NSUN6: variants seen among roughly 807,000 people sequenced by gnomAD.
NSUN6 encodes the protein tRNA (cytosine(72)-C(5))-methyltransferase NSUN6.
Under a neutral mutation model 58.0 loss-of-function variants are expected in NSUN6, and 64 were observed. The ratio of observed to expected loss-of-function variants is 1.10; its 90% CI spans 0.90 to 1.36. NSUN6 has a LOEUF of 1.36. NSUN6 is among the 40% of genes most tolerant of loss of function. The probability of loss-of-function intolerance (pLI) is 0.00; values close to 1 mark genes in which losing one functional copy is unlikely to be tolerated. For missense variants in NSUN6, 701 were observed against 550.1 expected, an observed-to-expected ratio of 1.27 and a Z score of -2.74; for synonymous variants, 231 against 193.9, an observed-to-expected ratio of 1.19 and a Z score of -1.59.
chr10:18,629,315 G>C (rs1186615058), intron 3 of NSUN6, among the ~76,000 whole-genome samples: 1 of 152,102 alleles, frequency 6.6e-6, no homozygotes, highest in African/African-American at 2.4e-5. Flanking sequence ...AAAATGTAAA[G>C]ACCATCAAGA....
intron 3 of NSUN6, among the ~76,000 whole-genome samples, chr10:18,634,333 A>G (rs2059138389): frequency 2.0e-5 from 3 of 152,222 alleles, no homozygotes; most frequent in Admixed American, 1.3e-4. Flanking sequence ...ATACATCCCT[A>G]TGACTAGACA....
At chr10:18,652,783 C>T (rs1430834792), upstream of NSUN6, 4 of 538,390 alleles carry the variant, frequency 7.4e-6, no homozygotes, top group Non-Finnish European at 9.5e-6. Flanking sequence ...TGGTCTCAAA[C>T]TCCTGACTTC....
chr10:18,636,883 C>T (rs1377338013), intron 3 of NSUN6, among the ~76,000 whole-genome samples: 1 of 148,446 alleles, frequency 6.7e-6, no homozygotes, highest in Non-Finnish European at 1.5e-5. Flanking sequence ...ACCAAGATTC[C>T]ATCTCAAAAA....
intron 8 of NSUN6, among the ~76,000 whole-genome samples, chr10:18,553,072 A>G (rs958809103): frequency 2.7e-5 from 4 of 148,030 alleles, no homozygotes. Flanking sequence ...TCTCCATTCC[A>G]TTAAATTCCA....
At chr10:18,576,947 A>G (rs1421513264) in intron 8 of NSUN6, among the ~76,000 whole-genome samples, 3 of 152,218 alleles carry the variant, frequency 2.0e-5, no homozygotes, top group African/African-American at 7.2e-5. Context: ...TTCAACTCTC[A>G]TGTCTATTTA....
At chr10:18,616,382 C>CTAA (rs2058411139) in intron 3 of NSUN6, 89 bp from the exon 4 acceptor site, 2 of 755,610 alleles carry the variant, frequency 2.6e-6, no homozygotes, top group African/African-American at 3.5e-5. Context: ...TCTAATGCCT[C>CTAA]TTTAGTCTTA....
At chr10:18,546,367 T>C (rs1192777950) in intron 10 of NSUN6, among the ~76,000 whole-genome samples, 2 of 152,206 alleles carry the variant, frequency 1.3e-5, no homozygotes, top group African/African-American at 2.4e-5. Context: ...ATACCTATTA[T>C]TACATGCTTA....
At chr10:18,553,734 G>A (rs2054774423) in intron 8 of NSUN6, among the ~76,000 whole-genome samples, 1 of 135,340 alleles carries the variant, frequency 7.4e-6, no homozygotes. Context: ...ATGGAATGGA[G>A]AATGGAATAG....
chr10:18,601,730 C>G (rs1353323159), intron 6 of NSUN6, among the ~76,000 whole-genome samples: 1 of 152,102 alleles, frequency 6.6e-6, no homozygotes, highest in Non-Finnish European at 1.5e-5. Flanking sequence ...TGCCTGTAAT[C>G]CCAGGACTTC....
intron 5 of NSUN6, among the ~76,000 whole-genome samples, chr10:18,613,183 AC>A (rs903897651): frequency 6.6e-6 from 1 of 151,898 alleles, no homozygotes; most frequent in East Asian, 1.9e-4. Flanking sequence ...GCTCACTGCA[AC>A]CCCCCGGGTT....
At chr10:18,591,804 G>A (rs555109835) in intron 7 of NSUN6, among the ~76,000 whole-genome samples, 2 of 152,096 alleles carry the variant, frequency 1.3e-5, no homozygotes, top group Non-Finnish European at 1.5e-5. Context: ...TTGAAAACTG[G>A]CATGAGACAA....
At chr10:18,556,959 GA>G (rs1024195920) in intron 8 of NSUN6, among the ~76,000 whole-genome samples, 2 of 150,980 alleles carry the variant, frequency 1.3e-5, no homozygotes, top group Non-Finnish European at 3.0e-5. Context: ...GAATGGAATG[GA>G]GAATGGAAGG....
At chr10:18,597,552 C>T (rs1323622083) in intron 6 of NSUN6, among the ~76,000 whole-genome samples, 1 of 152,044 alleles carries the variant, frequency 6.6e-6, no homozygotes, top group African/African-American at 2.4e-5. Flanking sequence ...GGAGGATTGC[C>T]TGAGGTCGGG....
chr10:18,648,789 C>A (rs1037015451), intron 1 of NSUN6, 144 bp from the exon 2 acceptor site: 1 of 519,662 alleles, frequency 1.9e-6, no homozygotes. Context: ...ATGTTAATAG[C>A]AACTAAGGAA....
At chr10:18,552,968 C>CTCCAT (rs549055903) in intron 8 of NSUN6, among the ~76,000 whole-genome samples, 9 of 143,966 alleles carry the variant, frequency 6.3e-5, no homozygotes, top group African/African-American at 9.9e-5. Context: ...ACATTCCATT[C>CTCCAT]TCCATTCCAT....
At position 18,624,080 on chromosome 10, in the gene NSUN6, A is replaced by G. The variant is rs1486093834; in HGVS notation, c.312-7787T>C. Among the ~76,000 whole-genome samples, 4 of 152,280 alleles carry G rather than the reference A, an allele frequency of 2.6e-5. No homozygotes were observed. The South Asian group carries it at 8.3e-4, about 32-fold the overall frequency. On this transcript the variant is annotated intron_variant, in intron 3 of 10. Coordinates refer to ENST00000377304, the MANE Select transcript of NSUN6 (RefSeq NM_182543.5). Reference sequence around the variant, plus strand: ...AAGGTAGATTTTAAAAATGTAAACCAAACAAAAGGAAAAATAATTCAAGTA... The same window carrying G: ...AAGGTAGATTTTAAAAATGTAAACCGAACAAAAGGAAAAATAATTCAAGTA...
rs550028179 is a variant in NSUN6, at chr10:18,625,307, A to G, written c.312-9014T>C. The stretch of plus-strand genomic sequence containing the variant: ...TATCTGTGCCAGAAACACAGCACAC[A>G]AAGTCCTGCTGTCTTTATAAAAGAG... On this transcript the variant is annotated intron_variant, in intron 3 of 10. Transcript: ENST00000377304. Among the ~76,000 whole-genome samples, 106 of 152,328 alleles carry G rather than the reference A, an allele frequency of 7.0e-4. 3 individuals carry two copies. The South Asian group carries it at 0.022, about 31-fold the overall frequency.
chr10:18,606,277 T>C (rs1158826138), intron 6 of NSUN6, among the ~76,000 whole-genome samples: 1 of 152,162 alleles, frequency 6.6e-6, no homozygotes, highest in African/African-American at 2.4e-5. Flanking sequence ...ACTTCATCTC[T>C]GTGGTATTCT....
intron 9 of NSUN6, 120 bp downstream of exon 9, chr10:18,551,703 T>C: frequency 2.7e-6 from 2 of 751,508 alleles, no homozygotes; most frequent in Non-Finnish European, 4.5e-6. Context: ...CAACAGACTC[T>C]TGGGTTGTTC....
Sources: gnomAD v4.1 joint callset for allele counts (sites outside exome capture counted in the v4.1 genomes callset) on GRCh38, gnomAD v4.1.1 for gene constraint, MANE v1.5 for transcripts, NCBI Gene and HGNC (gene_info 2026-07-23, HGNC 2026-07-21) for gene names.